Variants in SNX6 observed in about 807,000 individuals in gnomAD.
The protein encoded by SNX6 is sorting nexin 6.
Under a neutral mutation model 63.0 loss-of-function variants are expected in SNX6, and 34 were observed. The observed-to-expected ratio is 0.54, with a 90% CI of 0.41 to 0.72. The LOEUF (loss-of-function observed/expected upper bound fraction) is 0.72, where lower values mean the gene tolerates loss of function less well. Ranked by LOEUF, SNX6 falls within the 30% of genes least tolerant of loss-of-function variation. The pLI is 0.00. For synonymous variants in SNX6, 170 were observed against 164.2 expected, an observed-to-expected ratio of 1.04 and a Z score of -0.27; for missense variants, 398 against 471.4, an observed-to-expected ratio of 0.84 and a Z score of 1.44.
At chr14:34,586,393 AT>A (rs1882159370) in intron 8 of SNX6, 88 bp from the exon 9 acceptor site, 93 of 769,720 alleles carry the variant, frequency 1.2e-4, no homozygotes, top group South Asian at 2.3e-4. Context: ...AATGTGTAAT[AT>A]GAGACACTCT....
intron 6 of SNX6, among the ~76,000 whole-genome samples, chr14:34,599,665 T>C (rs775857920): frequency 1.8e-4 from 27 of 150,008 alleles, no homozygotes; most frequent in Non-Finnish European, 3.5e-4. Context: ...TCCCAGCTAC[T>C]CGGGAGGCTG....
At chr14:34,578,966 AG>A (rs1881829040) in intron 10 of SNX6, among the ~76,000 whole-genome samples, 9 of 138,530 alleles carry the variant, frequency 6.5e-5, no homozygotes, top group African/African-American at 1.9e-4. Context: ...AAAAAAAAAA[AG>A]GTTAAACTAA....
intron 7 of SNX6, among the ~76,000 whole-genome samples, chr14:34,596,844 A>C (rs1224843555): frequency 4.0e-5 from 6 of 151,722 alleles, no homozygotes; most frequent in African/African-American, 1.4e-4. Flanking sequence ...TAATTTTTGC[A>C]TTTTTAGTAG....
intron 2 of SNX6, among the ~76,000 whole-genome samples, chr14:34,612,366 TC>T (rs1305728797): frequency 6.6e-6 from 1 of 152,194 alleles, no homozygotes; most frequent in East Asian, 1.9e-4. Flanking sequence ...CAGATGTCAT[TC>T]AATTATGGAT....
chr14:34,622,974 T>C (rs576018251), intron 2 of SNX6, among the ~76,000 whole-genome samples: 1 of 152,344 alleles, frequency 6.6e-6, no homozygotes, highest in South Asian at 2.1e-4. Flanking sequence ...ACTATCATTA[T>C]GTCTTTACTA....
chr14:34,604,173 C>G, intron 5 of SNX6: 1 of 1,284,816 alleles, frequency 7.8e-7, no homozygotes, highest in Non-Finnish European at 1.0e-6. Flanking sequence ...GAAGTTTGAT[C>G]TCTGTGAGGG....
In SNX6 at chr14:34,581,682, ATAT is replaced by A. The variant is rs1881941873; in HGVS notation, c.795-85_795-83del. ...ATGTATGAGAATATGCTCCCAAACC[ATAT>A]TAATAACACCTTGTCTCATTGCAGT... On this transcript the variant is annotated intron_variant, in intron 9 of 13. Coordinates refer to ENST00000362031, the MANE Select transcript of SNX6 (RefSeq NM_152233.4). 7.5e-6 allele frequency: 6 copies of A among 801,608 alleles called. No individual in the cohort carries two copies. In the South Asian group the frequency reaches 9.9e-5, roughly 13 times the overall value. The allele number at this position is 801,608 out of a possible 1,614,324, so 49.7% of individuals were successfully genotyped here. A position where few individuals can be genotyped will look rare whatever the true frequency, so the allele number is the denominator to read the frequency against.
chr14:34,587,008 CAAAAAAAA>C (rs71121211), intron 8 of SNX6, among the ~76,000 whole-genome samples: 5 of 50,122 alleles, frequency 1.0e-4, no homozygotes, highest in South Asian at 1.3e-3. Flanking sequence ...GACTCTGTCT[CAAAAAAAA>C]AAAAAAAAAA....
chr14:34,615,562 T>C (rs1452622262), intron 2 of SNX6, among the ~76,000 whole-genome samples: 4 of 152,144 alleles, frequency 2.6e-5, no homozygotes, highest in African/African-American at 9.7e-5. Flanking sequence ...TGTTATCCAT[T>C]TATATATTGC....
chr14:34,574,794 G>A (rs1441966267), intron 11 of SNX6, among the ~76,000 whole-genome samples: 1 of 151,948 alleles, frequency 6.6e-6, no homozygotes, highest in African/African-American at 2.4e-5. Flanking sequence ...CCAAACTCAG[G>A]TGATCCACCC....
At chr14:34,614,221 G>C (rs1883338364) in intron 2 of SNX6, among the ~76,000 whole-genome samples, 1 of 151,998 alleles carries the variant, frequency 6.6e-6, no homozygotes, top group Non-Finnish European at 1.5e-5. Context: ...GAGCTCAGGA[G>C]TTCAAGACCA....
intron 10 of SNX6, 45 bp downstream of exon 10, chr14:34,581,516 C>T (rs1329744599): frequency 3.6e-6 from 4 of 1,109,806 alleles, no homozygotes; most frequent in Non-Finnish European, 5.2e-6. Flanking sequence ...TGAGCTCTCT[C>T]TGGGCACAAT....
At chr14:34,601,429 T>C (rs1882810866) in intron 6 of SNX6, among the ~76,000 whole-genome samples, 1 of 151,846 alleles carries the variant, frequency 6.6e-6, no homozygotes. Context: ...TTTCACCATA[T>C]TGGCCAGGCT....
At chr14:34,618,699 AC>A (rs1397325356) in intron 2 of SNX6, among the ~76,000 whole-genome samples, 1 of 152,044 alleles carries the variant, frequency 6.6e-6, no homozygotes, top group African/African-American at 2.4e-5. Flanking sequence ...AGTCTTTGCA[AC>A]CGCTGGTTCC....
intron 2 of SNX6, among the ~76,000 whole-genome samples, chr14:34,617,728 T>G (rs949535640): frequency 1.8e-4 from 28 of 151,442 alleles, no homozygotes; most frequent in Non-Finnish European, 3.8e-4. Context: ...AAGACCATCC[T>G]GGCTAACACG....
chr14:34,576,622 T>C (rs1351514309), intron 10 of SNX6, among the ~76,000 whole-genome samples: 2 of 151,544 alleles, frequency 1.3e-5, no homozygotes, highest in African/African-American at 2.4e-5. Context: ...CTAACTTTTG[T>C]ATTTTTAGTA....
intron 7 of SNX6, among the ~76,000 whole-genome samples, chr14:34,595,958 G>A (rs779878129): frequency 9.2e-5 from 14 of 151,936 alleles, no homozygotes; most frequent in Non-Finnish European, 1.8e-4. Context: ...GGTGGCTCAC[G>A]CCTGTAATCC....
At chr14:34,615,124 GT>G (rs201696678) in intron 2 of SNX6, among the ~76,000 whole-genome samples, 13 of 147,216 alleles carry the variant, frequency 8.8e-5, no homozygotes, top group Non-Finnish European at 1.5e-4. Context: ...TTATTGTTTA[GT>G]TTTTTTTTTG....
At chr14:34,570,014 A>C (rs370626114) in intron 11 of SNX6, among the ~76,000 whole-genome samples, 1 of 152,158 alleles carries the variant, frequency 6.6e-6, no homozygotes, top group East Asian at 1.9e-4. Context: ...ATGAGAGTTC[A>C]AATTTTGTCA....
Sources: gnomAD v4.1 joint callset for allele counts (sites outside exome capture counted in the v4.1 genomes callset) on GRCh38, gnomAD v4.1.1 for gene constraint, MANE v1.5 for transcripts, NCBI Gene and HGNC (gene_info 2026-07-23, HGNC 2026-07-21) for gene names.